WDFY3: variants seen among roughly 807,000 people sequenced by gnomAD.
The protein encoded by WDFY3 is WD repeat and FYVE domain containing 3.
A neutral mutation model predicts 409.6 loss-of-function variants in WDFY3; 66 were observed. That is an observed-to-expected ratio of 0.16 (90% CI 0.13 to 0.20). The LOEUF is 0.20. Ranked by LOEUF, WDFY3 falls within the 10% of genes least tolerant of loss-of-function variation. WDFY3 has a pLI of 1.00. For missense variants in WDFY3, 3,031 were observed against 4,298.1 expected (o/e 0.71, Z 8.24); for synonymous variants, 1,521 against 1,537.1 (o/e 0.99, Z 0.25).
At chr4:84,810,411 G>C in intron 13 of WDFY3, 67 bp from the exon 14 acceptor site, 7 of 1,181,228 alleles carry the variant, frequency 5.9e-6, no homozygotes, top group Non-Finnish European at 8.1e-6. Context: ...AAACCACTAT[G>C]CATGTATATG....
intron 2 of WDFY3, among the ~76,000 whole-genome samples, chr4:84,909,050 A>G (rs1201631125): frequency 6.7e-5 from 10 of 149,646 alleles, no homozygotes; most frequent in Non-Finnish European, 1.0e-4. Flanking sequence ...ACACACACGC[A>G]CACACACACA....
chr4:84,813,618 ACT>A (rs1343241080), intron 13 of WDFY3, among the ~76,000 whole-genome samples: 1 of 151,852 alleles, frequency 6.6e-6, no homozygotes, highest in East Asian at 1.9e-4. Flanking sequence ...AAATATCATG[ACT>A]CTCTCCTGCC....
intron 44 of WDFY3, 61 bp downstream of exon 44, chr4:84,733,321 C>T: frequency 6.4e-7 from 1 of 1,553,178 alleles, no homozygotes; most frequent in Non-Finnish European, 8.7e-7. Context: ...AGAAAAAACG[C>T]TTACAGAGGA....
intron 27 of WDFY3, among the ~76,000 whole-genome samples, chr4:84,775,527 A>T (rs1282183580): frequency 1.3e-5 from 2 of 151,970 alleles, no homozygotes; most frequent in Non-Finnish European, 2.9e-5. Context: ...CCGAAAAAAA[A>T]TTCAATAAAC....
At chr4:84,841,065 G>T in intron 6 of WDFY3, 89 bp downstream of exon 6, 2 of 1,010,816 alleles carry the variant, frequency 2.0e-6, no homozygotes, top group Non-Finnish European at 2.9e-6. Flanking sequence ...TATCTCATTT[G>T]GATATAATGA....
At chr4:84,698,275 A>AAT (rs1208765499) in intron 56 of WDFY3, among the ~76,000 whole-genome samples, 168 of 148,110 alleles carry the variant, frequency 1.1e-3, no homozygotes, top group Middle Eastern at 3.6e-3. Flanking sequence ...AATTCTATAT[A>AAT]ATATATATAT....
At chr4:84,879,342 A>T (rs1397610287) in intron 3 of WDFY3, 1 of 152,214 alleles carries the variant, frequency 6.6e-6, no homozygotes, top group Non-Finnish European at 1.5e-5. Flanking sequence ...ATGTGAACAC[A>T]GCTATATAGT....
At chr4:84,914,592 A>C (rs562778553) in intron 2 of WDFY3, among the ~76,000 whole-genome samples, 1 of 152,298 alleles carries the variant, frequency 6.6e-6, no homozygotes, top group African/African-American at 2.4e-5. Flanking sequence ...AAAATGCTCA[A>C]TATAATTTAG....
At chr4:84,944,019 G>A (rs987313698) in intron 1 of WDFY3, among the ~76,000 whole-genome samples, 5 of 152,062 alleles carry the variant, frequency 3.3e-5, no homozygotes, top group Non-Finnish European at 7.4e-5. Context: ...GAAACTTTAG[G>A]TTGATGGGGA....
At position 84,909,042 on chromosome 4, in the gene WDFY3, A is replaced by ACG. The variant is rs1262926614; in HGVS notation, c.-131-12033_-131-12032insCG. Among the ~76,000 whole-genome samples the ACG allele has an allele frequency of 4.6e-5, 7 of 151,458 alleles. No individual in the cohort carries two copies. The East Asian group carries it at 1.3e-3, about 29-fold the overall frequency. Reference sequence around the variant, plus strand: ...CGCACGTATCCATACACACACACACACACACGCACACACACACAAAAATAT... The same window carrying ACG: ...CGCACGTATCCATACACACACACACACGCACACGCACACACACACAAAAATAT... On this transcript the variant is annotated intron_variant, in intron 2 of 67. Coordinates refer to ENST00000295888, the MANE Select transcript of WDFY3 (RefSeq NM_014991.6).
intron 13 of WDFY3, among the ~76,000 whole-genome samples, chr4:84,814,637 A>G (rs1753008376): frequency 6.6e-6 from 1 of 152,126 alleles, no homozygotes; most frequent in South Asian, 2.1e-4. Flanking sequence ...TATCAGAGCA[A>G]CTGTGGAGGT....
intron 47 of WDFY3, among the ~76,000 whole-genome samples, chr4:84,720,377 A>C (rs1011551487): frequency 1.3e-5 from 2 of 152,204 alleles, no homozygotes; most frequent in African/African-American, 4.8e-5. Context: ...ATTTATTAGG[A>C]TAAAGGTTAT....
intron 43 of WDFY3, among the ~76,000 whole-genome samples, chr4:84,734,647 A>C (rs2149180281): frequency 6.6e-6 from 1 of 152,300 alleles, no homozygotes; most frequent in Admixed American, 6.5e-5. Context: ...CAATCTTGTA[A>C]TTTTTTACAA....
intron 36 of WDFY3, among the ~76,000 whole-genome samples, chr4:84,746,177 C>G (rs1339514699): frequency 6.7e-6 from 1 of 148,408 alleles, no homozygotes; most frequent in Non-Finnish European, 1.5e-5. Flanking sequence ...AAATCTCTGG[C>G]ATGGTGGTGT....
intron 1 of WDFY3, among the ~76,000 whole-genome samples, chr4:84,957,034 A>G (rs1774322746): frequency 1.3e-5 from 2 of 151,916 alleles, no homozygotes; most frequent in African/African-American, 2.4e-5. Flanking sequence ...AAAATCATTA[A>G]TAATTTTCCT....
intron 64 of WDFY3, among the ~76,000 whole-genome samples, chr4:84,681,119 C>T (rs946643607): frequency 2.0e-5 from 3 of 152,118 alleles, no homozygotes; most frequent in Non-Finnish European, 4.4e-5. Context: ...TTACATTTCA[C>T]CCCAGCAAGT....
intron 21 of WDFY3, among the ~76,000 whole-genome samples, 170 bp from the exon 22 acceptor site, chr4:84,790,077 C>T (rs567315493): frequency 2.0e-4 from 30 of 152,106 alleles, no homozygotes; most frequent in African/African-American, 7.0e-4. Flanking sequence ...GGGTTGGGCA[C>T]GGTGGCTCAC....
intron 50 of WDFY3, 119 bp from the exon 51 acceptor site, chr4:84,713,358 A>G: frequency 1.3e-6 from 1 of 798,402 alleles, no homozygotes; most frequent in Non-Finnish European, 2.1e-6. Context: ...CCCATAACCC[A>G]CTAAATGGCA....
At chr4:84,842,646 G>C (rs1335824560) in intron 5 of WDFY3, among the ~76,000 whole-genome samples, 1 of 151,970 alleles carries the variant, frequency 6.6e-6, no homozygotes, top group Non-Finnish European at 1.5e-5. Flanking sequence ...GCCGAGTGTG[G>C]TGGTGGGCAC....
Sources: allele counts gnomAD v4.1 joint callset (sites outside exome capture counted in the v4.1 genomes callset), GRCh38; gene constraint gnomAD v4.1.1; transcripts MANE v1.5; gene names NCBI Gene and HGNC (gene_info 2026-07-23, HGNC 2026-07-21).